The following VPS13B variants were observed in gnomAD, a reference collection of about 807,000 sequenced individuals.
The protein encoded by VPS13B is intermembrane lipid transfer protein VPS13B.
In VPS13B, 285 loss-of-function variants were observed where a neutral mutation model predicts 426.4. That is an observed-to-expected ratio of 0.67 (90% CI 0.61 to 0.74). The LOEUF is 0.74. VPS13B is among the 30% of genes least tolerant of loss of function. The pLI is 0.00. For synonymous variants in VPS13B, 1,676 were observed against 1,676.4 expected (o/e 1.00, Z 0.01); for missense variants, 4,537 against 4,782.6 (o/e 0.95, Z 1.51).
intron 19 of VPS13B, among the ~76,000 whole-genome samples, chr8:99,368,956 G>T (rs1813031001): frequency 6.6e-6 from 1 of 152,114 alleles, no homozygotes; most frequent in African/African-American, 2.4e-5. Context: ...CCATGTTGTT[G>T]CACAAGGTGG....
chr8:99,702,765 A>G (rs549008981), intron 36 of VPS13B, among the ~76,000 whole-genome samples: 1 of 152,292 alleles, frequency 6.6e-6, no homozygotes, highest in Admixed American at 6.5e-5. Flanking sequence ...TAACTTATGC[A>G]AGCTATTTTT....
intron 30 of VPS13B, among the ~76,000 whole-genome samples, chr8:99,532,105 CT>C (rs1168437800): frequency 4.6e-5 from 7 of 152,162 alleles, no homozygotes; most frequent in Non-Finnish European, 8.8e-5. Flanking sequence ...CATTTGTGAA[CT>C]TCTGCATATA....
intron 30 of VPS13B, among the ~76,000 whole-genome samples, chr8:99,537,957 A>G (rs1040747648): frequency 6.6e-6 from 1 of 152,170 alleles, no homozygotes; most frequent in African/African-American, 2.4e-5. Context: ...ATTTCTTATA[A>G]TTGGAAAATC....
chr8:99,021,534 T>C (rs1841888183), intron 2 of VPS13B, among the ~76,000 whole-genome samples: 1 of 151,870 alleles, frequency 6.6e-6, no homozygotes, highest in Admixed American at 6.6e-5. Flanking sequence ...GGCAGGAGAA[T>C]TGCTTGAACC....
intron 3 of VPS13B, among the ~76,000 whole-genome samples, chr8:99,055,533 CTATT>C (rs748541870): frequency 1.8e-4 from 28 of 152,014 alleles, no homozygotes; most frequent in Non-Finnish European, 3.2e-4. Context: ...GGATGCCTTT[CTATT>C]TATTTAAGTA....
intron 15 of VPS13B, among the ~76,000 whole-genome samples, chr8:99,159,980 G>T (rs904608120): frequency 1.3e-5 from 2 of 151,864 alleles, no homozygotes; most frequent in African/African-American, 4.8e-5. Context: ...TTTATTTAAG[G>T]TATATAAGTT....
chr8:99,543,153 C>T (rs183986613), intron 30 of VPS13B, among the ~76,000 whole-genome samples: 88 of 152,172 alleles, frequency 5.8e-4, no homozygotes, highest in African/African-American at 1.9e-3. Context: ...TCAGAAATAA[C>T]GCCGCAGATC....
At chr8:99,220,432 G>A (rs1815645018) in intron 17 of VPS13B, among the ~76,000 whole-genome samples, 1 of 152,144 alleles carries the variant, frequency 6.6e-6, no homozygotes, top group Non-Finnish European at 1.5e-5. Context: ...TGTTTGTGTT[G>A]ATGTCATGGA....
At chr8:99,792,625 C>T (rs973269286) in intron 43 of VPS13B, among the ~76,000 whole-genome samples, 4 of 152,162 alleles carry the variant, frequency 2.6e-5, no homozygotes, top group African/African-American at 4.8e-5. Flanking sequence ...CCTCCAGAAC[C>T]GGAAGATGGC....
intron 19 of VPS13B, among the ~76,000 whole-genome samples, chr8:99,336,089 C>T (rs1810847774): frequency 1.3e-5 from 2 of 152,160 alleles, no homozygotes; most frequent in Non-Finnish European, 1.5e-5. Flanking sequence ...AAGCAGGAGG[C>T]ATCATGCTAC....
At chr8:99,420,996 T>C (rs1816338486) in intron 21 of VPS13B, among the ~76,000 whole-genome samples, 1 of 152,210 alleles carries the variant, frequency 6.6e-6, no homozygotes, top group African/African-American at 2.4e-5. Context: ...TAAACTGTTT[T>C]CGTATACATT....
rs1813990332 is a variant in VPS13B, at chr8:99,384,189, T to C, written c.2825-19T>C. The C allele has an allele frequency of 1.2e-6, 2 of 1,602,142 alleles. No individual in the cohort carries two copies. Among genetic ancestry groups the C allele is most frequent in the Admixed American group, 1.7e-5 (1 of 59,976 alleles). ...TTTTATGAGGACTTATGTAACAGTTTAAAAATCTTGTCTTTTAGGTGCTGT... is the reference window on the plus strand; with the variant it reads ...TTTTATGAGGACTTATGTAACAGTTCAAAAATCTTGTCTTTTAGGTGCTGT... On this transcript the variant is annotated intron_variant, in intron 19 of 61. Coordinates refer to ENST00000357162, the MANE Select transcript of VPS13B (RefSeq NM_152564.5).
chr8:99,209,288 A>T (rs565376623), intron 17 of VPS13B, among the ~76,000 whole-genome samples: 61 of 151,128 alleles, frequency 4.0e-4, no homozygotes, highest in African/African-American at 1.4e-3. Flanking sequence ...TCTCAAAAAA[A>T]AAACAAAACA....
chr8:99,514,115 A>T (rs556204272), intron 29 of VPS13B, among the ~76,000 whole-genome samples: 1 of 152,290 alleles, frequency 6.6e-6, no homozygotes, highest in South Asian at 2.1e-4. Flanking sequence ...AGAGAAACCT[A>T]CATGACTGAC....
intron 19 of VPS13B, among the ~76,000 whole-genome samples, chr8:99,314,017 A>C (rs1366801028): frequency 6.6e-6 from 1 of 152,100 alleles, no homozygotes; most frequent in Non-Finnish European, 1.5e-5. Context: ...ACCGTTGGAA[A>C]AGTGTAGTAG....
At chr8:99,640,049 GAGAAAAGAAAAGAAAAGAAAAGAAAAGAA>G (rs1308275998) in intron 33 of VPS13B, among the ~76,000 whole-genome samples, 9 of 99,722 alleles carry the variant, frequency 9.0e-5, no homozygotes, top group African/African-American at 1.7e-4. Flanking sequence ...AGAAGAAGAA[GAGAAAAGAAAAGAAAAGAAAAGAAAAGAA>G]AAGAAAAGAA....
intron 39 of VPS13B, among the ~76,000 whole-genome samples, chr8:99,737,177 G>A (rs905889794): frequency 1.7e-5 from 2 of 120,960 alleles, no homozygotes; most frequent in South Asian, 5.7e-4. Flanking sequence ...CTGGAGTGCA[G>A]GGGCGCGATC....
At chr8:99,257,561 T>TATAC (rs1817815283) in intron 17 of VPS13B, among the ~76,000 whole-genome samples, 1 of 150,834 alleles carries the variant, frequency 6.6e-6, no homozygotes, top group Non-Finnish European at 1.5e-5. Flanking sequence ...TGCATGTGTG[T>TATAC]ACACACACAC....
intron 23 of VPS13B, among the ~76,000 whole-genome samples, chr8:99,448,339 A>G (rs1160646923): frequency 6.6e-6 from 1 of 152,006 alleles, no homozygotes; most frequent in Non-Finnish European, 1.5e-5. Flanking sequence ...TTTTAACCAC[A>G]TGGTTATTCT....
Sources: allele counts gnomAD v4.1 joint callset (sites outside exome capture counted in the v4.1 genomes callset), GRCh38; gene constraint gnomAD v4.1.1; transcripts MANE v1.5; gene names NCBI Gene and HGNC (gene_info 2026-07-23, HGNC 2026-07-21).